Variants in HROB observed in about 807,000 individuals in gnomAD.
HROB encodes the protein homologous recombination OB-fold protein.
In HROB, 44 loss-of-function variants were observed where a neutral mutation model predicts 61.0. The ratio of observed to expected loss-of-function variants is 0.72; its 90% CI spans 0.57 to 0.93. HROB has a LOEUF of 0.93. HROB is among the 40% of genes least tolerant of loss of function. The pLI, the probability that HROB is intolerant of heterozygous loss-of-function variation, is 0.00. For missense variants in HROB, 716 were observed against 796.2 expected (o/e 0.90, Z 1.21); for synonymous variants, 301 against 310.4 (o/e 0.97, Z 0.32).
Position 44,162,127 on chromosome 17 carries a change from T to C in HROB, c.*195T>C, listed in dbSNP as rs922333810. The C allele has an allele frequency of 7.3e-6, 4 of 545,040 alleles. No individual in the cohort carries two copies. The highest frequency in any genetic ancestry group is 9.5e-6 in the Non-Finnish European group (3 of 315,546). The allele number at this position is 545,040 out of a possible 1,614,324, so 33.8% of individuals were successfully genotyped here. ...CGCTGCCCTCACTTTGGGCCTTCCTTTGCCGTTGGCACCAGAATCCGGCCG... is the reference window on the plus strand; with the variant it reads ...CGCTGCCCTCACTTTGGGCCTTCCTCTGCCGTTGGCACCAGAATCCGGCCG... On this transcript the variant is annotated 3_prime_UTR_variant, in exon 10 of 10. Coordinates refer to ENST00000585683, the MANE Select transcript of HROB (RefSeq NM_001171251.3).
At position 44,147,997 on chromosome 17, in the gene HROB, C is replaced by T. The variant is rs757466740; in HGVS notation, c.194C>T (p.Pro65Leu). The T allele has an allele frequency of 6.2e-7, 1 of 1,614,040 alleles. No individual in the cohort carries two copies. The highest frequency in any genetic ancestry group is 2.2e-5 in the East Asian group (1 of 44,878). The change falls in exon 3 of 10, where the codon CCC (proline) becomes CTC (leucine). Residue 65 changes from proline (P) to leucine (L), a missense_variant. Transcript: ENST00000585683. ...AQSSRLLLLH[P>L]TAPSEALGLP... The stretch of plus-strand genomic sequence containing the variant: ...TCCTCCAGGCTGCTGCTGTTACACC[C>T]CACTGCTCCCTCAGAGGCTTTGGGC...
intron 2 of HROB, among the ~76,000 whole-genome samples, chr17:44,147,046 TGTGAGA>T (rs2053630416): frequency 7.8e-6 from 1 of 127,544 alleles, no homozygotes; most frequent in African/African-American, 4.0e-5. Flanking sequence ...TGTGTGTGTG[TGTGAGA>T]GAGAGAGAGA....
intron 1 of HROB, 152 bp downstream of exon 1, chr17:44,142,297 G>C: frequency 1.9e-6 from 2 of 1,080,198 alleles, no homozygotes; most frequent in Non-Finnish European, 2.5e-6. Context: ...GCTGTCGTCA[G>C]GGCTTGTCAT....
intron 9 of HROB, among the ~76,000 whole-genome samples, chr17:44,158,519 T>C (rs1164099836): frequency 6.6e-6 from 1 of 152,262 alleles, no homozygotes; most frequent in African/African-American, 2.4e-5. Context: ...GGTCTCATTC[T>C]GTTGCCCAGG....
In HROB at chr17:44,162,349, G is replaced by A. The variant is rs1029397321; in HGVS notation, c.*417G>A. On this transcript the variant is annotated 3_prime_UTR_variant, in exon 10 of 10. Transcript: ENST00000585683. ...GCCCCTCCACACAGGGGAGAAGCAC[G>A]CTCAGGCTTCCTCTGCTTTGTCTCT... 7 of 183,492 alleles carry A rather than the reference G, an allele frequency of 3.8e-5. No individual in the cohort carries two copies. The highest frequency in any genetic ancestry group is 2.3e-4 in the South Asian group (2 of 8,660). 11.4% of individuals were successfully genotyped at this position (183,492 alleles called of 1,614,324 possible). A position where few individuals can be genotyped will look rare whatever the true frequency, so the allele number is the denominator to read the frequency against.
intron 5 of HROB, among the ~76,000 whole-genome samples, chr17:44,153,755 C>T (rs2053886033): frequency 6.6e-6 from 1 of 151,780 alleles, no homozygotes. Flanking sequence ...AAGAAAAAAA[C>T]AAAAACCAAA....
intron 8 of HROB, among the ~76,000 whole-genome samples, chr17:44,156,978 A>G (rs2053989811): frequency 6.6e-6 from 1 of 151,868 alleles, no homozygotes; most frequent in Non-Finnish European, 1.5e-5. Context: ...TTGTGTTTTT[A>G]GTAGAGATGG....
chr17:44,157,405 CTTTTTTTTT>C (rs71160088), intron 8 of HROB, among the ~76,000 whole-genome samples: 12 of 81,470 alleles, frequency 1.5e-4, no homozygotes, highest in Non-Finnish European at 2.3e-4. Context: ...CATCATGTTT[CTTTTTTTTT>C]TTTTTTTTTT....
intron 9 of HROB, among the ~76,000 whole-genome samples, chr17:44,159,457 C>T (rs1245942489): frequency 6.6e-6 from 1 of 152,052 alleles, no homozygotes; most frequent in South Asian, 2.1e-4. Context: ...GTTTTCTCTT[C>T]GTATGCAGAG....
chr17:44,149,075 G>A, intron 3 of HROB, 48 bp downstream of exon 3: 1 of 1,542,614 alleles, frequency 6.5e-7, no homozygotes, highest in Non-Finnish European at 8.9e-7. Flanking sequence ...GAGAGAAGCA[G>A]GGTTCCAGCA....
intron 9 of HROB, 46 bp downstream of exon 9, chr17:44,157,987 G>T: frequency 7.2e-7 from 1 of 1,383,658 alleles, no homozygotes; most frequent in Non-Finnish European, 1.0e-6. Context: ...TCTATTTCCT[G>T]TTGAATAGCT....
At chr17:44,142,638 G>A (rs979309638) in intron 1 of HROB, among the ~76,000 whole-genome samples, 1 of 151,824 alleles carries the variant, frequency 6.6e-6, no homozygotes, top group Admixed American at 6.6e-5. Flanking sequence ...TGGCATCTGG[G>A]GTTAGGCACC....
At position 44,148,425 on chromosome 17, in the gene HROB, T is replaced by C. The variant is rs1243511129; in HGVS notation, c.622T>C (p.Ser208Pro). The change falls in exon 3 of 10, where the codon TCT becomes CCT. Residue 208 changes from serine to proline, a missense_variant. Coordinates refer to ENST00000585683, the MANE Select transcript of HROB (RefSeq NM_001171251.3). Reference sequence around the variant, plus strand: ...AGCCCGGGTAGTTGATCTGAGTGGATCTTGCCAGAAGGGGCCTGTGCCTGC... The same window carrying C: ...AGCCCGGGTAGTTGATCTGAGTGGACCTTGCCAGAAGGGGCCTGTGCCTGC... ...KKARVVDLSGSCQKGPVPAIH... is the reference protein window; with the variant it reads ...KKARVVDLSGPCQKGPVPAIH... The C allele has an allele frequency of 2.5e-6, 4 of 1,614,084 alleles. No individual in the cohort carries two copies. The highest frequency in any genetic ancestry group is 3.4e-6 in the Non-Finnish European group (4 of 1,180,014).
At chr17:44,149,052 T>C (rs1005293269) in intron 3 of HROB, 25 bp downstream of exon 3, 1 of 1,596,314 alleles carries the variant, frequency 6.3e-7, no homozygotes, top group Admixed American at 1.7e-5. Context: ...TTTCTAGGAT[T>C]TGGTGGGCAA....
chr17:44,144,964 C>T (rs1477384374), intron 1 of HROB, among the ~76,000 whole-genome samples: 2 of 152,118 alleles, frequency 1.3e-5, no homozygotes, highest in African/African-American at 4.8e-5. Flanking sequence ...GATCCACCTG[C>T]CTCGGCCTCC....
rs946217943 is a variant in HROB at position 44,142,451 on chromosome 17, G to T, written c.3+306G>T. On this transcript the variant is annotated intron_variant, in intron 1 of 9. Transcript: ENST00000585683. ...TTGGGTCCATCCCTTTCCCCTCCCC[G>T]CCCCACACTTTCTACTTTTTTTTTT... is the stretch of plus-strand genomic sequence containing the variant. 2.1e-5 allele frequency among the ~76,000 whole-genome samples: 3 copies of T among 143,918 alleles called. No individual in the cohort carries two copies. In the South Asian group the frequency reaches 6.6e-4, roughly 32 times the overall value. The allele number at this position is 143,918 out of a possible 152,430, so 94.4% of individuals were successfully genotyped here.
rs139569104 is a variant in HROB, at chr17:44,148,828, C to A, written c.1025C>A (p.Pro342Gln). The change falls in exon 3 of 10, where the codon CCG (proline) becomes CAG (glutamine). Residue 342 changes from proline (P) to glutamine (Q), a missense_variant. Pro to Gln is a moderately conservative substitution (Grantham distance 76, BLOSUM62 -1). Coordinates refer to ENST00000585683, the MANE Select transcript of HROB (RefSeq NM_001171251.3). ...TTATTTCCTCGGATACCCTTACAAC[C>A]GCAAGCTCCAGTGTCTTCCATTGGG... is the stretch of plus-strand genomic sequence containing the variant. ...SGLFPRIPLQ[P>Q]QAPVSSIGSP... The A allele has an allele frequency of 3.3e-5, 53 of 1,614,206 alleles. No individual in the cohort carries two copies. Among genetic ancestry groups the A allele is most frequent in the East Asian group, 4.5e-5 (2 of 44,890 alleles).
Position 44,161,953 on chromosome 17 carries a change from A to G in HROB, c.*21A>G. 4 of 1,610,828 alleles carry G rather than the reference A, an allele frequency of 2.5e-6. No homozygotes were observed. Among genetic ancestry groups the G allele is most frequent in the Non-Finnish European group, 2.5e-6 (3 of 1,177,142 alleles). On this transcript the variant is annotated 3_prime_UTR_variant, in exon 10 of 10. Coordinates refer to ENST00000585683, the MANE Select transcript of HROB (RefSeq NM_001171251.3). ...GTTGAGACTGCCCCAACGCAGGACA[A>G]CCCACCATGAGCAGGCAGCTCTGGG... is the stretch of plus-strand genomic sequence containing the variant.
rs1028449948 is a variant in HROB at position 44,149,034 on chromosome 17, G to T, written c.1224+7G>T. On this transcript the variant is annotated splice_region_variant and intron_variant, in intron 3 of 9. Transcript: ENST00000585683. ...TGGGATCCTGCCTCACCAGGTGAGT[G>T]AGCTGGCTTTCTAGGATTTGGTGGG... 1 of 1,610,372 alleles carries T rather than the reference G, an allele frequency of 6.2e-7. No individual in the cohort carries two copies. The highest frequency in any genetic ancestry group is 2.2e-5 in the East Asian group (1 of 44,818).
Sources: allele counts gnomAD v4.1 joint callset (sites outside exome capture counted in the v4.1 genomes callset), GRCh38; gene constraint gnomAD v4.1.1; transcripts MANE v1.5; gene names NCBI Gene and HGNC (gene_info 2026-07-23, HGNC 2026-07-21).